The following IFIH1 variants were observed in gnomAD, a reference collection of about 807,000 sequenced individuals.
IFIH1 encodes interferon-induced helicase C domain-containing protein 1.
A neutral mutation model predicts 107.4 loss-of-function variants in IFIH1; 125 were observed. The ratio of observed to expected loss-of-function variants is 1.16; its 90% CI spans 1.01 to 1.35. IFIH1 has a LOEUF of 1.35. IFIH1 is among the 40% of genes most tolerant of loss of function. The pLI, the probability that IFIH1 is intolerant of heterozygous loss-of-function variation, is 0.00. For synonymous variants in IFIH1, 458 were observed against 413.2 expected, an observed-to-expected ratio of 1.11 and a Z score of -1.31; for missense variants, 1,333 against 1,213.7, an observed-to-expected ratio of 1.10 and a Z score of -1.46.
In IFIH1 at chr2:162,293,632, C is replaced by T; in HGVS notation, c.806G>A (p.Cys269Tyr). The T allele has an allele frequency of 1.2e-6, 2 of 1,611,678 alleles. No individual in the cohort carries two copies. The highest frequency in any genetic ancestry group is 2.2e-5 in the South Asian group (2 of 90,982). ...GTTATGTCCAAGACTTTCATCTAAG[C>T]AGCTGACACTTCCTTCTGCCAAACT... ...DTSLAEGSVS[C>Y]LDESLGHNSN... Residue 269 changes from cysteine to tyrosine, a missense_variant, in exon 4 of 16, where the codon TGC becomes TAC. Cys to Tyr is a radical substitution (Grantham distance 194). Transcript: ENST00000649979.
chr2:162,309,909 A>G (rs1683360873), intron 2 of IFIH1, among the ~76,000 whole-genome samples: 1 of 152,226 alleles, frequency 6.6e-6, no homozygotes, highest in Non-Finnish European at 1.5e-5. Flanking sequence ...ATCCCATTTT[A>G]TAACAAGGAT....
At chr2:162,285,649 T>A (rs949260962) in intron 5 of IFIH1, among the ~76,000 whole-genome samples, 8 of 151,976 alleles carry the variant, frequency 5.3e-5, no homozygotes, top group Non-Finnish European at 7.4e-5. Flanking sequence ...TGAATGTGAA[T>A]AATTAATGAG....
At chr2:162,317,720 A>G in intron 1 of IFIH1, 135 bp downstream of exon 1, 1 of 692,392 alleles carries the variant, frequency 1.4e-6, no homozygotes, top group South Asian at 1.9e-5. Flanking sequence ...TAAAGTGCCT[A>G]GATGTTGTCT....
chr2:162,269,211 G>T (rs1337440825), intron 13 of IFIH1, among the ~76,000 whole-genome samples: 1 of 152,144 alleles, frequency 6.6e-6, no homozygotes, highest in Non-Finnish European at 1.5e-5. Context: ...CATGTAAAAA[G>T]CTGTTGAGTG....
chr2:162,271,495 A>G (rs1337277480), intron 13 of IFIH1, among the ~76,000 whole-genome samples: 3 of 152,018 alleles, frequency 2.0e-5, no homozygotes, highest in Non-Finnish European at 4.4e-5. Flanking sequence ...ATTAAGAGAA[A>G]TACCTAATGT....
rs114217274 is a variant in IFIH1, at chr2:162,302,047, G to C, written c.769+4662C>G. Among the ~76,000 whole-genome samples, 1,390 of 152,156 alleles carry C rather than the reference G, an allele frequency of 9.1e-3. 30 individuals are homozygous for C. Among genetic ancestry groups the C allele is most frequent in the African/African-American group, 0.032 (1,320 of 41,514 alleles). The stretch of plus-strand genomic sequence containing the variant: ...GAGGAAAAAGGACACATATCAACCC[G>C]CAAGTTTGGAGATATGATGAAATCA... On this transcript the variant is annotated intron_variant, in intron 3 of 15. Transcript: ENST00000649979.
intron 1 of IFIH1, among the ~76,000 whole-genome samples, chr2:162,314,721 C>T (rs1683456949): frequency 6.6e-6 from 1 of 152,094 alleles, no homozygotes; most frequent in Non-Finnish European, 1.5e-5. Context: ...ATCTCCTGAC[C>T]TCGAGAGCCA....
chr2:162,292,388 A>G (rs1683009684), intron 4 of IFIH1, among the ~76,000 whole-genome samples: 3 of 151,894 alleles, frequency 2.0e-5, no homozygotes, highest in African/African-American at 4.8e-5. Context: ...CTTTTAAATG[A>G]AGATTAAAGT....
At chr2:162,270,935 G>T (rs1010822888) in intron 13 of IFIH1, among the ~76,000 whole-genome samples, 1 of 152,150 alleles carries the variant, frequency 6.6e-6, no homozygotes. Flanking sequence ...CATCCCTTTA[G>T]TGAAACTCTA....
chr2:162,267,412 T>G (rs775877317), intron 15 of IFIH1, 33 bp from the exon 16 acceptor site: 10 of 1,613,464 alleles, frequency 6.2e-6, no homozygotes, highest in Non-Finnish European at 8.5e-6. Context: ...AGAGGAAAAT[T>G]AAATGTACAT....
rs1176282403 is a variant in IFIH1, at chr2:162,282,535, T to C, written c.1137A>G (p.Pro379=). The stretch of plus-strand genomic sequence containing the variant: ...TAACACGATACCATTTCTTCAAAAA[T>C]GGTTGGAACTCCTTGCGGAAGAGCT... ...VEQLFRKEFQ[P]FLKKWYRVIG... The change falls in exon 6 of 16, where the codon CCA becomes CCG. Residue 379 remains proline, a synonymous_variant. Coordinates refer to ENST00000649979, the MANE Select transcript of IFIH1 (RefSeq NM_022168.4). 1.2e-6 allele frequency: 2 copies of C among 1,611,620 alleles called. No homozygotes were observed. The highest frequency in any genetic ancestry group is 2.2e-5 in the East Asian group (1 of 44,746).
At chr2:162,274,940 G>A (rs990224586) in intron 11 of IFIH1, among the ~76,000 whole-genome samples, 21 of 152,104 alleles carry the variant, frequency 1.4e-4, no homozygotes, top group African/African-American at 4.8e-4. Flanking sequence ...CCTAACTGTC[G>A]GAGAACCCTG....
intron 2 of IFIH1, chr2:162,310,494 A>G: frequency 2.0e-6 from 1 of 504,980 alleles, no homozygotes; most frequent in South Asian, 3.4e-5. Context: ...CATAATCTTG[A>G]TAAAATTTCT....
At chr2:162,299,080 A>C (rs1275184032) in intron 3 of IFIH1, among the ~76,000 whole-genome samples, 2 of 152,242 alleles carry the variant, frequency 1.3e-5, no homozygotes, top group African/African-American at 4.8e-5. Flanking sequence ...AGGTTGGCTT[A>C]GATTGTATCA....
chr2:162,281,331 T>TA lies in IFIH1; in HGVS notation c.1520dup (p.Leu507PhefsTer8). ...TATACATAAAATTATGACTTACTTT[T>TA]AAAATGTGTTCTTCAGCTTTGGCTT... is the stretch of plus-strand genomic sequence containing the variant. On this transcript the variant is annotated frameshift_variant, in exon 7 of 16. Coordinates refer to ENST00000649979, the MANE Select transcript of IFIH1 (RefSeq NM_022168.4). LOFTEE classifies it high-confidence loss of function. 1 of 1,610,824 alleles carries TA rather than the reference T, an allele frequency of 6.2e-7. No homozygotes were observed.
chr2:162,304,720 AT>A (rs1318084012), intron 3 of IFIH1, among the ~76,000 whole-genome samples: 2 of 152,242 alleles, frequency 1.3e-5, no homozygotes, highest in African/African-American at 4.8e-5. Flanking sequence ...AAATATGAAA[AT>A]GTAAATTCAA....
rs773145722 is a variant in IFIH1 at position 162,272,307 on chromosome 2, T to G, written c.2535A>C (p.Thr845=). ...HSGSGVIEHE[T]VNDFREKMMY... ...TCATCTTCTCTCGGAAATCATTAAC[T>G]GTCTCATGTTCGATAACTCCTGAAC... is the stretch of plus-strand genomic sequence containing the variant. Residue 845 remains threonine (T), a synonymous_variant, in exon 13 of 16, where the codon ACA becomes ACC. Coordinates refer to ENST00000649979, the MANE Select transcript of IFIH1 (RefSeq NM_022168.4). 6.2e-7 allele frequency: 1 copy of G among 1,613,150 alleles called. No individual in the cohort carries two copies. The highest frequency in any genetic ancestry group is 1.7e-5 in the Admixed American group (1 of 59,886).
chr2:162,296,927 C>G (rs1279673458), intron 3 of IFIH1, among the ~76,000 whole-genome samples: 2 of 152,008 alleles, frequency 1.3e-5, no homozygotes, highest in East Asian at 3.9e-4. Flanking sequence ...AGCTCGATTT[C>G]TTTGTCATTT....
At chr2:162,310,579 A>G (rs1576239080) in intron 2 of IFIH1, 186 bp downstream of exon 2, 1 of 587,096 alleles carries the variant, frequency 1.7e-6, no homozygotes, top group Non-Finnish European at 3.0e-6. Context: ...TGATCAGTTG[A>G]TATTTTCCCA....
Sources: allele counts gnomAD v4.1 joint callset (sites outside exome capture counted in the v4.1 genomes callset), GRCh38; gene constraint gnomAD v4.1.1; transcripts MANE v1.5; gene names NCBI Gene and HGNC (gene_info 2026-07-23, HGNC 2026-07-21).